The following PALLD variants were observed in gnomAD, a reference collection of about 807,000 sequenced individuals.
PALLD encodes the protein palladin, cytoskeletal associated protein.
In PALLD, 61 loss-of-function variants were observed where a neutral mutation model predicts 123.5. That is an observed-to-expected ratio of 0.49 (90% CI 0.40 to 0.61). PALLD has a LOEUF of 0.61. Among genes scored for constraint, PALLD ranks in the 20% least tolerant of loss-of-function variants. The pLI, the probability that PALLD is intolerant of heterozygous loss-of-function variation, is 0.00. For synonymous variants in PALLD, 465 were observed against 496.4 expected (o/e 0.94, Z 0.84); for missense variants, 1,273 against 1,377.0 (o/e 0.92, Z 1.20).
At chr4:168,792,878 T>C (rs1737736856) in intron 10 of PALLD, among the ~76,000 whole-genome samples, 1 of 151,608 alleles carries the variant, frequency 6.6e-6, no homozygotes, top group Non-Finnish European at 1.5e-5. Flanking sequence ...GCGATTCTTC[T>C]ACCTCAGCCT....
chr4:168,793,708 G>C (rs1275490007), intron 10 of PALLD, among the ~76,000 whole-genome samples: 1 of 152,132 alleles, frequency 6.6e-6, no homozygotes, highest in Non-Finnish European at 1.5e-5. Flanking sequence ...ACATCATAAA[G>C]ATACGCACAG....
intron 15 of PALLD, chr4:168,904,140 C>G: frequency 1.9e-6 from 1 of 515,388 alleles, no homozygotes; most frequent in South Asian, 2.1e-5. Context: ...TATTAAGGGT[C>G]TAATATGTAC....
At chr4:168,669,578 G>A (rs1385725487) in intron 3 of PALLD, among the ~76,000 whole-genome samples, 1 of 151,878 alleles carries the variant, frequency 6.6e-6, no homozygotes, top group African/African-American at 2.4e-5. Flanking sequence ...CAGCCTGGAA[G>A]ACAAAGCAAG....
chr4:168,718,710 A>G (rs1056997800), intron 10 of PALLD, among the ~76,000 whole-genome samples: 18 of 152,232 alleles, frequency 1.2e-4, no homozygotes, highest in Admixed American at 4.6e-4. Context: ...ATACGTATAT[A>G]TAAAATGTGT....
chr4:168,880,008 T>C (rs769744467), intron 10 of PALLD, among the ~76,000 whole-genome samples: 5 of 152,254 alleles, frequency 3.3e-5, no homozygotes, highest in Non-Finnish European at 7.3e-5. Flanking sequence ...CAAGTCTTGC[T>C]TCCCAGGAAG....
intron 18 of PALLD, among the ~76,000 whole-genome samples, chr4:168,922,672 G>A (rs187330817): frequency 1.3e-5 from 2 of 152,326 alleles, no homozygotes; most frequent in Admixed American, 6.5e-5. Context: ...TAAAAATGTG[G>A]TAAATATGTG....
At position 168,681,540 on chromosome 4, in the gene PALLD, ATTTTT is replaced by A. The variant is rs34328020; in HGVS notation, c.1154+161_1154+165del. The A allele has an allele frequency of 3.2e-3, 1,093 of 339,026 alleles. 6 individuals carry two copies. Among genetic ancestry groups the A allele is most frequent in the African/African-American group, 0.019 (609 of 31,664 alleles). The allele number at this position is 339,026 out of a possible 1,614,324, so 21.0% of individuals were successfully genotyped here. ...GATCAAATACTGAGGTTGGAACACA[ATTTTT>A]TTTTTTTTTTTTTTTTTTGAGACAG... On this transcript the variant is annotated intron_variant, in intron 4 of 21. Transcript: ENST00000505667.
At chr4:168,816,383 ATG>A (rs1554088387) in intron 10 of PALLD, among the ~76,000 whole-genome samples, 1 of 115,278 alleles carries the variant, frequency 8.7e-6, no homozygotes, top group Non-Finnish European at 2.0e-5. Context: ...TTATATGTGT[ATG>A]TGTGTATATA....
chr4:168,616,455 G>A (rs1163039876), intron 2 of PALLD, among the ~76,000 whole-genome samples: 1 of 152,116 alleles, frequency 6.6e-6, no homozygotes, highest in Non-Finnish European at 1.5e-5. Flanking sequence ...TTCAGTCAGG[G>A]AACTCCACTG....
intron 10 of PALLD, among the ~76,000 whole-genome samples, chr4:168,791,941 C>T (rs1021444384): frequency 6.6e-6 from 1 of 152,078 alleles, no homozygotes; most frequent in East Asian, 1.9e-4. Flanking sequence ...CTTTCCCCCT[C>T]CCAAGATAAG....
chr4:168,513,116 T>G (rs968396815), intron 2 of PALLD, among the ~76,000 whole-genome samples: 3 of 151,508 alleles, frequency 2.0e-5, no homozygotes, highest in African/African-American at 7.3e-5. Context: ...CAAACAAAAA[T>G]TATCCCCCAA....
intron 2 of PALLD, among the ~76,000 whole-genome samples, chr4:168,584,496 T>C (rs1261872004): frequency 6.6e-6 from 1 of 152,236 alleles, no homozygotes; most frequent in African/African-American, 2.4e-5. Flanking sequence ...AATTTCTACT[T>C]AATCCTTCAT....
intron 10 of PALLD, among the ~76,000 whole-genome samples, chr4:168,759,492 C>T (rs1482246434): frequency 6.6e-6 from 1 of 151,760 alleles, no homozygotes; most frequent in African/African-American, 2.4e-5. Context: ...CACAGTTTTT[C>T]CAGGTTAACT....
intron 2 of PALLD, among the ~76,000 whole-genome samples, chr4:168,663,668 C>T (rs1779341602): frequency 6.6e-6 from 1 of 152,184 alleles, no homozygotes; most frequent in African/African-American, 2.4e-5. Flanking sequence ...AAATTGAATG[C>T]ATGCAAAATT....
At chr4:168,800,753 CTT>C (rs560216497) in intron 10 of PALLD, among the ~76,000 whole-genome samples, 11 of 152,176 alleles carry the variant, frequency 7.2e-5, no homozygotes, top group Non-Finnish European at 1.6e-4. Context: ...AAACTTCACT[CTT>C]GAGTATATTT....
At position 168,826,839 on chromosome 4, in the gene PALLD, A is replaced by G. The variant is rs78195725; in HGVS notation, c.1965-64083A>G. Among the ~76,000 whole-genome samples, 693 of 152,320 alleles carry G rather than the reference A, an allele frequency of 4.5e-3. 4 individuals carry two copies. Among genetic ancestry groups the G allele is most frequent in the East Asian group, 0.033 (172 of 5,190 alleles). ...AGAAAACAAAACCTTTGTGATTTCAAGGTCATGGAAACAGTGGAACTGACC... is the reference window on the plus strand; with the variant it reads ...AGAAAACAAAACCTTTGTGATTTCAGGGTCATGGAAACAGTGGAACTGACC... On this transcript the variant is annotated intron_variant, in intron 10 of 21. Transcript: ENST00000505667.
chr4:168,690,882 T>C (rs888938518), intron 7 of PALLD, 138 bp downstream of exon 7: 4 of 928,160 alleles, frequency 4.3e-6, no homozygotes, highest in Admixed American at 1.8e-5. Flanking sequence ...CTACAGTGTG[T>C]TGAAATCCAG....
chr4:168,861,536 C>T (rs1749469423), intron 10 of PALLD, among the ~76,000 whole-genome samples: 2 of 151,968 alleles, frequency 1.3e-5, no homozygotes, highest in Non-Finnish European at 2.9e-5. Flanking sequence ...TTTTTTTTCT[C>T]TTATGGATCA....
intron 10 of PALLD, among the ~76,000 whole-genome samples, chr4:168,872,076 A>G (rs1305176114): frequency 6.6e-6 from 1 of 152,176 alleles, no homozygotes; most frequent in Non-Finnish European, 1.5e-5. Context: ...TCTCATTCCT[A>G]TTCTTCATGT....
Sources: allele counts gnomAD v4.1 joint callset (sites outside exome capture counted in the v4.1 genomes callset), GRCh38; gene constraint gnomAD v4.1.1; transcripts MANE v1.5; gene names NCBI Gene and HGNC (gene_info 2026-07-23, HGNC 2026-07-21).